The following RFLNA variants were observed in gnomAD, a reference collection of about 807,000 sequenced individuals.
RFLNA encodes the protein refilin A.
Under a neutral mutation model 7.8 loss-of-function variants are expected in RFLNA, and 5 were observed. The ratio of observed to expected loss-of-function variants is 0.64; its 90% CI spans 0.34 to 1.35. The LOEUF (loss-of-function observed/expected upper bound fraction) is 1.35. Among genes scored for constraint, RFLNA ranks in the 40% most tolerant of loss-of-function variants. The pLI, the probability that RFLNA is intolerant of heterozygous loss-of-function variation, is 0.04. For missense variants in RFLNA, 278 were observed against 305.5 expected (o/e 0.91, Z 0.67); for synonymous variants, 141 against 131.3 (o/e 1.07, Z -0.50).
At chr12:124,299,843 C>T (rs530523356) in intron 1 of RFLNA, among the ~76,000 whole-genome samples, 2 of 152,280 alleles carry the variant, frequency 1.3e-5, no homozygotes, top group South Asian at 2.1e-4. Flanking sequence ...CTCCCAGGGC[C>T]TGGACTGTCA....
chr12:124,290,648 A>G (rs1290544537), upstream of RFLNA, among the ~76,000 whole-genome samples: 2 of 152,112 alleles, frequency 1.3e-5, no homozygotes, highest in Non-Finnish European at 2.9e-5. The surrounding 1 kb of genome is among the most constrained non-coding windows in gnomAD (Gnocchi z 4.0). Context: ...GTCTAAATGT[A>G]TTGATTATCT....
chr12:124,298,494 C>T (rs75418643), intron 1 of RFLNA, among the ~76,000 whole-genome samples: 3 of 152,328 alleles, frequency 2.0e-5, no homozygotes, highest in Non-Finnish European at 2.9e-5. Flanking sequence ...AAGGTGGGAA[C>T]ATTCCCGATC....
rs527751289 is a variant in RFLNA at position 124,301,117 on chromosome 12, G to C, written c.207+5481G>C. On this transcript the variant is annotated intron_variant, in intron 1 of 2. Transcript: ENST00000546355. Reference sequence around the variant, plus strand: ...GCAAGCTAAGGTGGAAGACAGCCAGGTATGTCAGGACAAGGTGGGAGGGAG... The same window carrying C: ...GCAAGCTAAGGTGGAAGACAGCCAGCTATGTCAGGACAAGGTGGGAGGGAG... Among the ~76,000 whole-genome samples the C allele has an allele frequency of 6.6e-5, 10 of 152,332 alleles. No individual in the cohort carries two copies. In the East Asian group the frequency reaches 1.5e-3, roughly 23 times the overall value.
chr12:124,301,631 G>C lies in RFLNA; in HGVS notation c.207+5995G>C, dbSNP rs572239688. On this transcript the variant is annotated intron_variant, in intron 1 of 2. Coordinates refer to ENST00000546355, the MANE Select transcript of RFLNA (RefSeq NM_001365156.1). ...CCGGCCTTTATAAGGGCAGGGTCTG[G>C]GTTCGCCATTTTTTTGTGTACAGAG... 1.6e-3 allele frequency among the ~76,000 whole-genome samples: 250 copies of C among 152,260 alleles called. 1 individual carries two copies. Among genetic ancestry groups the C allele is most frequent in the African/African-American group, 5.8e-3 (242 of 41,550 alleles).
upstream of RFLNA, among the ~76,000 whole-genome samples, chr12:124,294,209 G>A (rs1472564305): frequency 6.6e-6 from 1 of 152,210 alleles, no homozygotes; most frequent in African/African-American, 2.4e-5. Flanking sequence ...TCTGCTGTAA[G>A]CTGAATGGAA....
Position 124,314,539 on chromosome 12 carries a change from G to T in RFLNA, c.*14G>T, listed in dbSNP as rs764432087. The T allele has an allele frequency of 2.3e-5, 36 of 1,555,906 alleles. No individual in the cohort carries two copies. Among genetic ancestry groups the T allele is most frequent in the Non-Finnish European group, 1.8e-5 (21 of 1,157,270 alleles). ...GCCACGCTCTGACGGGGCTGGGGCC[G>T]GCCCGGGGTGCTGGAGGAGCCGGGA... On this transcript the variant is annotated 3_prime_UTR_variant, in exon 3 of 3. Transcript: ENST00000546355.
rs2034143687 is a variant in RFLNA at position 124,306,739 on chromosome 12, G to T, written c.208-5079G>T. On this transcript the variant is annotated intron_variant, in intron 1 of 2. Transcript: ENST00000546355. This position sits in a 1 kb window ranked among gnomAD's most constrained non-coding sequence, Gnocchi z 5.2. ...AGGATATGTGGCGAGTGCCCAGAAT[G>T]GTGCCCGGCACAGTGAGAGTGCAAA... Among the ~76,000 whole-genome samples the T allele has an allele frequency of 6.6e-6, 1 of 152,148 alleles. No homozygotes were observed. Among genetic ancestry groups the T allele is most frequent in the Non-Finnish European group, 1.5e-5 (1 of 68,008 alleles).
At chr12:124,297,012 G>C (rs995448717) in intron 1 of RFLNA, among the ~76,000 whole-genome samples, 1 of 152,176 alleles carries the variant, frequency 6.6e-6, no homozygotes, top group Admixed American at 6.5e-5. Flanking sequence ...AAGTGAACCT[G>C]ATCTTGCTGT....
chr12:124,304,411 C>T (rs1006572522), intron 1 of RFLNA, among the ~76,000 whole-genome samples: 1 of 152,172 alleles, frequency 6.6e-6, no homozygotes, highest in African/African-American at 2.4e-5. Flanking sequence ...GACCCTTTGG[C>T]AAATGGTGCC....
At chr12:124,300,411 G>A (rs941075360) in intron 1 of RFLNA, among the ~76,000 whole-genome samples, 7 of 152,252 alleles carry the variant, frequency 4.6e-5, no homozygotes, top group African/African-American at 1.7e-4. Context: ...GCTCTTGGAG[G>A]CCGCCTGAGG....
rs2033786591 is a variant in RFLNA at position 124,289,600 on chromosome 12, G to A, written c.-37+230G>A. On this transcript the variant is annotated intron_variant, in intron 1 of 2. Transcript: ENST00000324038. This position sits in a 1 kb window ranked among gnomAD's most constrained non-coding sequence, Gnocchi z 5.0. ...CTTCCCTGTCTTAGTAGGGCAGGTGGTCAAGAGCTGGTTTTATGAGTGGAC... is the reference window on the plus strand; with the variant it reads ...CTTCCCTGTCTTAGTAGGGCAGGTGATCAAGAGCTGGTTTTATGAGTGGAC... Among the ~76,000 whole-genome samples, 1 of 152,234 alleles carries A rather than the reference G, an allele frequency of 6.6e-6. No homozygotes were observed. The highest frequency in any genetic ancestry group is 1.5e-5 in the Non-Finnish European group (1 of 68,050).
In RFLNA at chr12:124,295,523, C is replaced by T. The variant is rs1437443240; in HGVS notation, c.94C>T (p.Pro32Ser). 27 of 1,261,474 alleles carry T rather than the reference C, an allele frequency of 2.1e-5. No homozygotes were observed. The highest frequency in any genetic ancestry group is 6.3e-5 in the East Asian group (2 of 31,968). The allele number at this position is 1,261,474 out of a possible 1,614,324, so 78.1% of individuals were successfully genotyped here. ...GGACAGCCCCGACTCCGGGCTGCCC[C>T]CCAGCCCCAGCCCCAGCCCGCCCTT... ...LLDSPDSGLP[P>S]SPSPSPPFYS... is the part of the protein sequence containing the mutation. The change falls in exon 1 of 3, where the codon CCC (proline) becomes TCC (serine). Residue 32 changes from proline to serine, a missense_variant. Transcript: ENST00000546355.
chr12:124,313,678 C>CAA (rs11310797), intron 2 of RFLNA, among the ~76,000 whole-genome samples: 1,508 of 139,186 alleles, frequency 0.011, 10 homozygotes, highest in South Asian at 0.019. Flanking sequence ...GACTCCGTCT[C>CAA]AAAAAAAAAA....
Position 124,314,465 on chromosome 12 carries a change from C to T in RFLNA, c.591C>T (p.Ser197=), listed in dbSNP as rs781556283. The T allele has an allele frequency of 1.0e-4, 163 of 1,599,414 alleles. 1 individual carries two copies. The East Asian group carries it at 3.4e-3, about 33-fold the overall frequency. Residue 197 remains serine, a synonymous_variant, in exon 3 of 3, where the codon AGC becomes AGT. Transcript: ENST00000546355. ...GGCCCAGCCGCTGGTTCACCGCCAG[C>T]GTGCAGCTGCAGCTTTGCCAGGACC... The part of the protein sequence containing the change: ...LGRPSRWFTA[S]VQLQLCQDPA...
intron 1 of RFLNA, among the ~76,000 whole-genome samples, chr12:124,301,924 G>A (rs1197822790): frequency 6.6e-6 from 1 of 152,178 alleles, no homozygotes; most frequent in Non-Finnish European, 1.5e-5. Flanking sequence ...CAGAGTTCCG[G>A]AGGCCAAGAA....
intron 1 of RFLNA, among the ~76,000 whole-genome samples, chr12:124,300,720 GTGGATGGATGCATGGATGGA>G (rs1265510715): frequency 1.6e-4 from 19 of 116,362 alleles, no homozygotes; most frequent in African/African-American, 5.1e-4. Context: ...GGGCAGAAGG[GTGGATGGATGCATGGATGGA>G]TGGATGGATG....
At chr12:124,303,411 G>A (rs1353992897) in intron 1 of RFLNA, among the ~76,000 whole-genome samples, 3 of 152,200 alleles carry the variant, frequency 2.0e-5, no homozygotes, top group Admixed American at 1.3e-4. Flanking sequence ...ACACCCTCCA[G>A]GGCCCGTCCT....
In RFLNA at chr12:124,313,622, A is replaced by T. The variant is rs1043423472; in HGVS notation, c.318-570A>T. Among the ~76,000 whole-genome samples, 28 of 151,582 alleles carry T rather than the reference A, an allele frequency of 1.8e-4. No individual in the cohort carries two copies. In the South Asian group the frequency reaches 2.7e-3, roughly 15 times the overall value. On this transcript the variant is annotated intron_variant, in intron 2 of 2. Coordinates refer to ENST00000546355, the MANE Select transcript of RFLNA (RefSeq NM_001365156.1). ...TGAACCTGGGAGGCGGAGCTTGCAGAGAGCCGAGATCGCGCCACTGCACTC... is the reference window on the plus strand; with the variant it reads ...TGAACCTGGGAGGCGGAGCTTGCAGTGAGCCGAGATCGCGCCACTGCACTC...
rs1474756525 is a variant in RFLNA at position 124,306,529 on chromosome 12, A to C, written c.208-5289A>C. ...GGCCCCTGGGCATGAAAGGCAGTGG[A>C]GGAGCGAGGGTGAGGGCCCGGGACC... On this transcript the variant is annotated intron_variant, in intron 1 of 2. Transcript: ENST00000546355. The surrounding 1 kb of genome is among the most constrained non-coding windows in gnomAD (Gnocchi z 5.2). Among the ~76,000 whole-genome samples, 1 of 152,112 alleles carries C rather than the reference A, an allele frequency of 6.6e-6. No homozygotes were observed. The highest frequency in any genetic ancestry group is 1.5e-5 in the Non-Finnish European group (1 of 68,014).
Sources: gnomAD v4.1 joint callset for allele counts (sites outside exome capture counted in the v4.1 genomes callset) on GRCh38, gnomAD v4.1.1 for gene constraint, Gnocchi (gnomAD v3.1) non-coding constraint, MANE v1.5 for transcripts, NCBI Gene and HGNC (gene_info 2026-07-23, HGNC 2026-07-21) for gene names.